The following MED12L variants were observed in gnomAD, a reference collection of about 807,000 sequenced individuals.
MED12L encodes mediator of RNA polymerase II transcription subunit 12-like protein.
A neutral mutation model predicts 281.3 loss-of-function variants in MED12L; 60 were observed. The observed-to-expected ratio is 0.21, with a 90% CI of 0.17 to 0.26. The LOEUF (loss-of-function observed/expected upper bound fraction) is 0.26, where lower values mean the gene tolerates loss of function less well. MED12L is among the 10% of genes least tolerant of loss of function. The probability of loss-of-function intolerance (pLI) is 1.00; values close to 1 mark genes in which losing one functional copy is unlikely to be tolerated. For missense variants in MED12L, 2,146 were observed against 2,680.9 expected (o/e 0.80, Z 4.41); for synonymous variants, 974 against 987.2 (o/e 0.99, Z 0.25).
In MED12L at chr3:151,368,288, T is replaced by C. The variant is rs544682904; in HGVS notation, c.3550+37T>C. On this transcript the variant is annotated intron_variant, in intron 25 of 44. Coordinates refer to ENST00000687756, the MANE Select transcript of MED12L (RefSeq NM_001393769.1). The stretch of plus-strand genomic sequence containing the variant: ...GCAGAAAAATCTGATTACCTTTTCA[T>C]TGGTAGCTAAAGTTTCTAAAATGAC... 1.4e-5 allele frequency: 22 copies of C among 1,561,570 alleles called. 1 individual carries two copies. The South Asian group carries it at 1.8e-4, about 13-fold the overall frequency.
At chr3:151,171,552 C>G (rs2149009274) in intron 11 of MED12L, among the ~76,000 whole-genome samples, 1 of 152,322 alleles carries the variant, frequency 6.6e-6, no homozygotes, top group Admixed American at 6.5e-5. Flanking sequence ...GTGTTTCCTC[C>G]TTCCCTGCTG....
chr3:151,261,941 G>A (rs2149501908), intron 16 of MED12L, among the ~76,000 whole-genome samples: 1 of 152,192 alleles, frequency 6.6e-6, no homozygotes, highest in South Asian at 2.1e-4. Context: ...TGGCCAGGCT[G>A]GTCTTGAACT....
At chr3:151,156,632 A>G (rs939406043) in intron 6 of MED12L, among the ~76,000 whole-genome samples, 2 of 152,178 alleles carry the variant, frequency 1.3e-5, no homozygotes, top group African/African-American at 4.8e-5. Flanking sequence ...AAAATTGGAT[A>G]TATTTATTTA....
chr3:151,281,143 G>C (rs112989327), intron 16 of MED12L, among the ~76,000 whole-genome samples: 6,607 of 145,902 alleles, frequency 0.045, 479 homozygotes, highest in African/African-American at 0.16. Flanking sequence ...AATCTCAGCA[G>C]TTTGGGAGGC....
chr3:151,203,409 G>A (rs1442584306), intron 16 of MED12L, among the ~76,000 whole-genome samples: 1 of 143,968 alleles, frequency 6.9e-6, no homozygotes, highest in African/African-American at 2.6e-5. Context: ...TTAGTACCTA[G>A]CCTTTTTTTT....
chr3:151,110,760 T>TTGTGTG, intron 2 of MED12L, among the ~76,000 whole-genome samples: 1 of 150,376 alleles, frequency 6.6e-6, no homozygotes, highest in East Asian at 1.9e-4. Context: ...GTATGTATGT[T>TTGTGTG]TGTGTGTGTG....
intron 43 of MED12L, among the ~76,000 whole-genome samples, chr3:151,426,916 C>T (rs1421973650): frequency 2.0e-5 from 3 of 151,320 alleles, no homozygotes. Flanking sequence ...CTCATGGGCT[C>T]AAGTGATCCT....
At chr3:151,202,503 T>C (rs1236079076) in intron 16 of MED12L, among the ~76,000 whole-genome samples, 1 of 152,140 alleles carries the variant, frequency 6.6e-6, no homozygotes, top group African/African-American at 2.4e-5. Context: ...AAATCCTGTC[T>C]CTACTAAAAA....
Position 151,411,493 on chromosome 3 carries a change from G to A in MED12L, c.6126G>A (p.Leu2042=), listed in dbSNP as rs1216369452. The A allele has an allele frequency of 6.2e-7, 1 of 1,614,182 alleles. No homozygotes were observed. The highest frequency in any genetic ancestry group is 1.1e-5 in the South Asian group (1 of 91,066). ...QQQASPYLQP[L]TGSQRLNHQA... is the part of the protein sequence containing the mutation. ...AGGCCTCGCCGTACCTGCAGCCCCT[G>A]ACTGGCTCTCAGAGGTGATACATGT... Residue 2042 remains leucine, a synonymous_variant, in exon 41 of 45, where the codon CTG becomes CTA. Transcript: ENST00000687756.
intron 12 of MED12L, 133 bp downstream of exon 12, chr3:151,185,594 C>T: frequency 1.1e-6 from 1 of 920,702 alleles, no homozygotes; most frequent in East Asian, 2.7e-5. Context: ...TAAAAATTCA[C>T]ATAAGGAAGA....
At chr3:151,146,591 TTTGCACGGTGTCA>T (rs1197574036) in intron 5 of MED12L, among the ~76,000 whole-genome samples, 1 of 152,168 alleles carries the variant, frequency 6.6e-6, no homozygotes, top group Non-Finnish European at 1.5e-5. Flanking sequence ...GTAATAGTAC[TTTGCACGGTGTCA>T]TTGCACAATA....
chr3:151,342,309 C>T (rs1008520977), intron 16 of MED12L, among the ~76,000 whole-genome samples: 10 of 152,212 alleles, frequency 6.6e-5, no homozygotes, highest in Non-Finnish European at 1.3e-4. Flanking sequence ...ACTGCAGTGT[C>T]CTTCTGTTAT....
chr3:151,292,482 T>G (rs1744388675), intron 16 of MED12L, among the ~76,000 whole-genome samples: 1 of 151,464 alleles, frequency 6.6e-6, no homozygotes, highest in South Asian at 2.1e-4. Context: ...AGACGGGGGG[T>G]TTCACCATGT....
chr3:151,280,361 TTAC>T (rs1742615411), intron 16 of MED12L, among the ~76,000 whole-genome samples: 2 of 152,200 alleles, frequency 1.3e-5, no homozygotes, highest in African/African-American at 4.8e-5. Flanking sequence ...TTTAGCTTGA[TTAC>T]TCACAATGGC....
At chr3:151,151,031 C>CTTTTGTTTTTTT (rs1718400515) in intron 5 of MED12L, among the ~76,000 whole-genome samples, 1 of 32,880 alleles carries the variant, frequency 3.0e-5, no homozygotes, top group Non-Finnish European at 5.4e-5. Context: ...GCTGAAGTAG[C>CTTTTGTTTTTTT]TTTTTTTTTT....
At chr3:151,404,872 C>T (rs1716105110) in intron 39 of MED12L, among the ~76,000 whole-genome samples, 1 of 151,908 alleles carries the variant, frequency 6.6e-6, no homozygotes, top group South Asian at 2.1e-4. Flanking sequence ...GAGGTATAAC[C>T]AGTCCTACAT....
At chr3:151,292,614 C>T (rs978838166) in intron 16 of MED12L, among the ~76,000 whole-genome samples, 1 of 151,538 alleles carries the variant, frequency 6.6e-6, no homozygotes, top group African/African-American at 2.4e-5. Flanking sequence ...CTCTTGTTGC[C>T]CAAGCTGGAA....
At chr3:151,313,900 G>C (rs976550370) in intron 16 of MED12L, among the ~76,000 whole-genome samples, 2 of 149,574 alleles carry the variant, frequency 1.3e-5, no homozygotes, top group African/African-American at 2.5e-5. Flanking sequence ...CTCCAACCTG[G>C]TGACAGAGCG....
intron 16 of MED12L, among the ~76,000 whole-genome samples, chr3:151,319,157 A>T (rs1188048452): frequency 6.6e-6 from 1 of 152,220 alleles, no homozygotes; most frequent in Non-Finnish European, 1.5e-5. Context: ...ACATTCCAAA[A>T]GGGAAGTAAT....
Sources: gnomAD v4.1 joint callset for allele counts (sites outside exome capture counted in the v4.1 genomes callset) on GRCh38, gnomAD v4.1.1 for gene constraint, MANE v1.5 for transcripts, NCBI Gene and HGNC (gene_info 2026-07-23, HGNC 2026-07-21) for gene names.